Variants in MROH1 observed in about 807,000 individuals in gnomAD.
MROH1 encodes the protein maestro heat-like repeat-containing protein family member 1.
A neutral mutation model predicts 116.5 loss-of-function variants in MROH1; 117 were observed. That is an observed-to-expected ratio of 1.00 (90% confidence interval 0.86 to 1.17). The LOEUF (loss-of-function observed/expected upper bound fraction) is 1.17, where lower values mean the gene tolerates loss of function less well. Among genes scored for constraint, MROH1 ranks in the 50% most tolerant of loss-of-function variants. MROH1 has a pLI of 0.00. For missense variants in MROH1, 1,873 were observed against 1,338.5 expected (o/e 1.40, Z -6.23); for synonymous variants, 921 against 583.9 (o/e 1.58, Z -8.32).
At chr8:144,151,901 C>T (rs1312552265) in intron 1 of MROH1, among the ~76,000 whole-genome samples, 3 of 152,336 alleles carry the variant, frequency 2.0e-5, no homozygotes, top group Admixed American at 6.5e-5. Context: ...CTGCCGTCGG[C>T]TCTGGAAGGG....
rs1054784248 is a variant in MROH1, at chr8:144,200,141, T to C, written c.1028-287T>C. ...ACTGATGGCCCTCTTGTGGGCCCCC[T>C]TGTGAGCTGGAGATGCTGAAACAAG... On this transcript the variant is annotated intron_variant, in intron 11 of 43. Transcript: ENST00000326134. Among the ~76,000 whole-genome samples, 9 of 152,108 alleles carry C rather than the reference T, an allele frequency of 5.9e-5. 1 individual carries two copies. Among genetic ancestry groups the C allele is most frequent in the Admixed American group, 1.3e-4 (2 of 15,272 alleles).
chr8:144,188,274 TTTCTC>T (rs1012806518), intron 7 of MROH1, among the ~76,000 whole-genome samples: 7 of 151,976 alleles, frequency 4.6e-5, no homozygotes, highest in Non-Finnish European at 7.4e-5. Context: ...TATAAATACT[TTTCTC>T]TACTTTATAA....
chr8:144,197,154 G>A (rs1245059364), intron 10 of MROH1, among the ~76,000 whole-genome samples: 2 of 152,158 alleles, frequency 1.3e-5, no homozygotes, highest in African/African-American at 4.8e-5. Context: ...GAAGGTGAGA[G>A]CAGCTCAGGG....
At chr8:144,166,460 G>A (rs147855022) in intron 3 of MROH1, among the ~76,000 whole-genome samples, 13 of 152,282 alleles carry the variant, frequency 8.5e-5, no homozygotes, top group South Asian at 8.3e-4. Context: ...CTGCCCCCGC[G>A]TCCCCAGCTG....
At chr8:144,235,311 T>C (rs1171785345) in intron 14 of MROH1, among the ~76,000 whole-genome samples, 2 of 152,264 alleles carry the variant, frequency 1.3e-5, no homozygotes, top group Admixed American at 1.3e-4. Context: ...TCTACAACTA[T>C]AGTTTTACTT....
intron 12 of MROH1, 99 bp downstream of exon 12, chr8:144,200,640 G>A (rs1280936646): frequency 3.4e-6 from 3 of 883,954 alleles, no homozygotes; most frequent in South Asian, 1.5e-5. Flanking sequence ...GCACCATCCT[G>A]CTTTGAATTC....
chr8:144,154,491 G>A (rs1817580465), intron 1 of MROH1, among the ~76,000 whole-genome samples: 1 of 152,084 alleles, frequency 6.6e-6, no homozygotes, highest in African/African-American at 2.4e-5. Context: ...AACCACGGGC[G>A]ACTGGTTTTA....
chr8:144,230,069 C>G (rs867908399), intron 14 of MROH1, among the ~76,000 whole-genome samples: 1 of 151,944 alleles, frequency 6.6e-6, no homozygotes, highest in Non-Finnish European at 1.5e-5. Flanking sequence ...ATGCTCTTTG[C>G]TAATCTCCTG....
intron 7 of MROH1, among the ~76,000 whole-genome samples, chr8:144,190,119 C>T (rs1297080492): frequency 6.6e-6 from 1 of 152,230 alleles, no homozygotes; most frequent in African/African-American, 2.4e-5. Context: ...TGCCTCGCCC[C>T]AGTCTGTGCC....
intron 7 of MROH1, among the ~76,000 whole-genome samples, chr8:144,181,425 C>T (rs1462058036): frequency 6.6e-6 from 1 of 151,706 alleles, no homozygotes; most frequent in East Asian, 1.9e-4. Context: ...TGGTTTGGAG[C>T]ATTTGGACCC....
intron 12 of MROH1, chr8:144,213,124 C>A: frequency 1.3e-6 from 1 of 770,818 alleles, no homozygotes; most frequent in South Asian, 1.3e-5. Flanking sequence ...TTGCTTGAGT[C>A]ACCACGGCTG....
At chr8:144,240,710 C>A (rs1267506653) in intron 20 of MROH1, 33 bp downstream of exon 20, 4 of 712,020 alleles carry the variant, frequency 5.6e-6, no homozygotes, top group Non-Finnish European at 1.0e-5. Flanking sequence ...TGGTGTGGTA[C>A]TTGGGCTCCG....
intron 39 of MROH1, 52 bp downstream of exon 39, chr8:144,260,426 C>G (rs1012915878): frequency 2.4e-4 from 171 of 701,598 alleles, no homozygotes; most frequent in Non-Finnish European, 4.0e-4. Flanking sequence ...CTTCCTGCCT[C>G]TTACTCTGAG....
chr8:144,215,537 C>A (rs1195691234), intron 12 of MROH1, among the ~76,000 whole-genome samples: 1 of 152,190 alleles, frequency 6.6e-6, no homozygotes, highest in Non-Finnish European at 1.5e-5. Flanking sequence ...AGGACCACTT[C>A]CTGGTCCCTC....
At position 144,159,306 on chromosome 8, in the gene MROH1, C is replaced by T. The variant is rs141228022; in HGVS notation, c.-176-1664C>T. On this transcript the variant is annotated intron_variant, in intron 1 of 43. Coordinates refer to ENST00000326134, the MANE Select transcript of MROH1 (RefSeq NM_032450.3). Reference sequence around the variant, plus strand: ...CCGGAAGGCGGAGGTTGTAGTGAGCCGAGATCCTGCCATTGTACTCCAGCC... The same window carrying T: ...CCGGAAGGCGGAGGTTGTAGTGAGCTGAGATCCTGCCATTGTACTCCAGCC... Among the ~76,000 whole-genome samples, 1,002 of 152,144 alleles carry T rather than the reference C, an allele frequency of 6.6e-3. 7 individuals carry two copies. The highest frequency in any genetic ancestry group is 0.023 in the African/African-American group (958 of 41,520).
At chr8:144,244,402 C>CG in intron 27 of MROH1, 42 bp from the exon 28 acceptor site, 1 of 727,890 alleles carries the variant, frequency 1.4e-6, no homozygotes, top group Admixed American at 2.0e-5. Context: ...CTGTAGGCTG[C>CG]GGGGTCACTG....
chr8:144,167,526 GGTTGTGGGGTGGAGTGGCCA>G (rs1288432082), intron 3 of MROH1, among the ~76,000 whole-genome samples: 4 of 148,418 alleles, frequency 2.7e-5, no homozygotes, highest in Non-Finnish European at 1.5e-5. Flanking sequence ...TGGAGTGGCC[GGTTGTGGGGTGGAGTGGCCA>G]GTTGTTGGGT....
chr8:144,164,232 C>A (rs1173550135), intron 3 of MROH1, among the ~76,000 whole-genome samples: 4 of 151,552 alleles, frequency 2.6e-5, no homozygotes, highest in Non-Finnish European at 5.9e-5. Flanking sequence ...TGGTGAAACC[C>A]CGTCTCTCCT....
intron 12 of MROH1, among the ~76,000 whole-genome samples, chr8:144,219,268 C>T (rs1387811383): frequency 3.3e-5 from 5 of 152,030 alleles, no homozygotes; most frequent in South Asian, 2.1e-4. Flanking sequence ...GTGATCCGCC[C>T]GTCTCGGCCT....
Sources: gnomAD v4.1 joint callset for allele counts (sites outside exome capture counted in the v4.1 genomes callset) on GRCh38, gnomAD v4.1.1 for gene constraint, MANE v1.5 for transcripts, NCBI Gene and HGNC (gene_info 2026-07-23, HGNC 2026-07-21) for gene names.